The following PUS7 variants were observed in gnomAD, a reference collection of about 807,000 sequenced individuals.
PUS7 encodes pseudouridine synthase 7.
Under a neutral mutation model 79.8 loss-of-function variants are expected in PUS7, and 48 were observed. The observed-to-expected ratio is 0.60, with a 90% CI of 0.48 to 0.76. The LOEUF (loss-of-function observed/expected upper bound fraction) is 0.76. PUS7 is among the 30% of genes least tolerant of loss of function. The pLI is 0.00. For synonymous variants in PUS7, 286 were observed against 272.2 expected (o/e 1.05, Z -0.50); for missense variants, 729 against 797.6 (o/e 0.91, Z 1.04).
chr7:105,475,471 C>G (rs1213638693), intron 9 of PUS7, among the ~76,000 whole-genome samples: 1 of 151,954 alleles, frequency 6.6e-6, no homozygotes, highest in Non-Finnish European at 1.5e-5. Context: ...AGGCGTCAGC[C>G]ACCGTGCCAG....
intron 9 of PUS7, among the ~76,000 whole-genome samples, chr7:105,473,258 A>T (rs563358181): frequency 7.9e-5 from 12 of 152,092 alleles, no homozygotes; most frequent in African/African-American, 1.7e-4. Flanking sequence ...TTTTAAAAAA[A>T]TTTTATTTGT....
At chr7:105,482,065 T>C (rs1174558756) in intron 8 of PUS7, among the ~76,000 whole-genome samples, 1 of 152,152 alleles carries the variant, frequency 6.6e-6, no homozygotes, top group Non-Finnish European at 1.5e-5. Context: ...TTGAAGGAGA[T>C]GGTGTCTTTC....
intron 5 of PUS7, among the ~76,000 whole-genome samples, chr7:105,496,794 T>C (rs893048668): frequency 2.0e-5 from 3 of 152,184 alleles, no homozygotes; most frequent in Non-Finnish European, 4.4e-5. Context: ...GTCCTTGGTG[T>C]GAATTCCTCA....
At chr7:105,481,759 C>G (rs999579420) in intron 8 of PUS7, among the ~76,000 whole-genome samples, 4 of 148,270 alleles carry the variant, frequency 2.7e-5, no homozygotes, top group Non-Finnish European at 4.4e-5. Context: ...GAGTTGGAGT[C>G]TCACTCTGTC....
chr7:105,508,454 T>A lies in PUS7; in HGVS notation c.59A>T (p.Asp20Val). Residue 20 changes from aspartate (D) to valine (V), a missense_variant, in exon 2 of 16, where the codon GAT (aspartate) becomes GTT (valine). By Grantham distance (152) the Asp-to-Val change is radical. Transcript: ENST00000469408. ...TTCAACTGGGACTCCACTGTCATTATCTTCGACAACCAGTGCCCCACGTTT... is the reference window on the plus strand; with the variant it reads ...TTCAACTGGGACTCCACTGTCATTAACTTCGACAACCAGTGCCCCACGTTT... ...SLKRGALVVE[D>V]NDSGVPVEET... The A allele has an allele frequency of 1.2e-6, 2 of 1,614,208 alleles. No individual in the cohort carries two copies. The highest frequency in any genetic ancestry group is 1.1e-5 in the South Asian group (1 of 91,082).
chr7:105,484,589 C>A (rs971645410), intron 7 of PUS7, among the ~76,000 whole-genome samples: 2 of 150,712 alleles, frequency 1.3e-5, no homozygotes, highest in African/African-American at 2.4e-5. Flanking sequence ...GAGGCCGAGG[C>A]GGGCGGATTA....
chr7:105,464,846 T>C (rs912611849), intron 13 of PUS7, among the ~76,000 whole-genome samples: 3 of 145,396 alleles, frequency 2.1e-5, no homozygotes, highest in African/African-American at 8.0e-5. Context: ...TGAGACAGAG[T>C]CTTGCTCTGT....
At chr7:105,467,938 T>C (rs982690655) in intron 12 of PUS7, among the ~76,000 whole-genome samples, 8 of 150,958 alleles carry the variant, frequency 5.3e-5, no homozygotes, top group Non-Finnish European at 1.0e-4. Context: ...ACTAGACATC[T>C]CTTTTTTTTT....
chr7:105,464,032 A>G (rs1249754938), intron 13 of PUS7, among the ~76,000 whole-genome samples: 1 of 152,210 alleles, frequency 6.6e-6, no homozygotes. Context: ...CCAGGTATGC[A>G]TGTGTTACAT....
Position 105,508,446 on chromosome 7 carries a change from T to G in PUS7, c.67A>C (p.Ser23Arg), listed in dbSNP as rs141108039. ...RGALVVEDND[S>R]GVPVEETKKQ... ...TTTGTCTCTTCAACTGGGACTCCAC[T>G]GTCATTATCTTCGACAACCAGTGCC... Residue 23 changes from serine (S) to arginine (R), a missense_variant, in exon 2 of 16, where the codon AGT (serine) becomes CGT (arginine). Transcript: ENST00000469408. The G allele has an allele frequency of 3.7e-6, 6 of 1,614,052 alleles. No individual in the cohort carries two copies. The African/African-American group carries it at 5.3e-5, about 14-fold the overall frequency.
chr7:105,496,172 A>C (rs1825006493), intron 5 of PUS7, among the ~76,000 whole-genome samples: 1 of 148,090 alleles, frequency 6.8e-6, no homozygotes. Flanking sequence ...AAAAAAAAAA[A>C]GTATGCATAT....
chr7:105,496,985 C>T, intron 5 of PUS7: 1 of 1,207,098 alleles, frequency 8.3e-7, no homozygotes, highest in Non-Finnish European at 1.1e-6. Context: ...TCCAAATGCA[C>T]AGCATAAAGA....
intron 5 of PUS7, among the ~76,000 whole-genome samples, chr7:105,499,899 G>A (rs748669282): frequency 6.6e-6 from 1 of 152,186 alleles, no homozygotes; most frequent in Non-Finnish European, 1.5e-5. Context: ...ACAAGCTGTC[G>A]CTGGTAGAGG....
At chr7:105,505,802 T>TA (rs909462308) in intron 4 of PUS7, among the ~76,000 whole-genome samples, 153 bp downstream of exon 4, 9 of 152,310 alleles carry the variant, frequency 5.9e-5, no homozygotes, top group African/African-American at 1.9e-4. Flanking sequence ...TCTGCCCCAG[T>TA]AAAAAAATTT....
chr7:105,517,412 C>T lies in PUS7; in HGVS notation c.-33+4640G>A, dbSNP rs569539680. On this transcript the variant is annotated intron_variant, in intron 1 of 15. Coordinates refer to ENST00000469408, the MANE Select transcript of PUS7 (RefSeq NM_019042.5). ...CTGACCTCAGGTGATCTGCCTGCCTCGGCCTCCCAAAGTGCTGGGATCACA... is the reference window on the plus strand; with the variant it reads ...CTGACCTCAGGTGATCTGCCTGCCTTGGCCTCCCAAAGTGCTGGGATCACA... Among the ~76,000 whole-genome samples, 105 of 152,246 alleles carry T rather than the reference C, an allele frequency of 6.9e-4. 1 individual carries two copies. The highest frequency in any genetic ancestry group is 2.4e-3 in the African/African-American group (100 of 41,548).
chr7:105,508,509 C>T lies in PUS7; in HGVS notation c.4G>A (p.Glu2Lys). ...GACACACCAGTCATTTCTGTCATCT[C>T]CATCTTTAAGGCTCCAAGAAAACAT... M[E>K]MTEMTGVSLK... The change falls in exon 2 of 16, where the codon GAG becomes AAG. Residue 2 changes from glutamate (E) to lysine (K), a missense_variant. By Grantham distance (56) the Glu-to-Lys change is moderately conservative. Transcript: ENST00000469408. 6.2e-7 allele frequency: 1 copy of T among 1,610,436 alleles called. No individual in the cohort carries two copies. Among genetic ancestry groups the T allele is most frequent in the African/African-American group, 1.3e-5 (1 of 74,820 alleles).
intron 9 of PUS7, among the ~76,000 whole-genome samples, chr7:105,480,794 A>G (rs1824289876): frequency 6.6e-6 from 1 of 151,974 alleles, no homozygotes; most frequent in African/African-American, 2.4e-5. Context: ...ATAAATATAT[A>G]AAATAAAATA....
At chr7:105,465,183 T>G in intron 13 of PUS7, 130 bp downstream of exon 13, 1 of 567,470 alleles carries the variant, frequency 1.8e-6, no homozygotes, top group South Asian at 2.7e-5. Context: ...GTTTCTTAAT[T>G]TAAATTTTCC....
intron 6 of PUS7, among the ~76,000 whole-genome samples, 154 bp downstream of exon 6, chr7:105,494,988 A>AG (rs1824948192): frequency 2.0e-5 from 3 of 151,436 alleles, no homozygotes; most frequent in African/African-American, 4.8e-5. Flanking sequence ...AAAAAAAAAA[A>AG]AAAAGAAAGA....
Sources: allele counts gnomAD v4.1 joint callset (sites outside exome capture counted in the v4.1 genomes callset), GRCh38; gene constraint gnomAD v4.1.1; transcripts MANE v1.5; gene names NCBI Gene and HGNC (gene_info 2026-07-23, HGNC 2026-07-21).